Variants in TRDN observed in about 807,000 individuals in gnomAD.
TRDN encodes triadin.
TRDN carries 161 observed loss-of-function variants against 149.7 expected under a neutral mutation model. The observed-to-expected ratio is 1.08, with a 90% CI of 0.95 to 1.23. The LOEUF (loss-of-function observed/expected upper bound fraction) is 1.23, where lower values mean the gene tolerates loss of function less well. Among genes scored for constraint, TRDN ranks in the 50% most tolerant of loss-of-function variants. The pLI is 0.00. For synonymous variants in TRDN, 294 were observed against 250.5 expected (o/e 1.17, Z -1.64); for missense variants, 896 against 823.5 (o/e 1.09, Z -1.08).
intron 12 of TRDN, among the ~76,000 whole-genome samples, chr6:123,403,691 G>C (rs1035834439): frequency 6.6e-6 from 1 of 152,072 alleles, no homozygotes; most frequent in East Asian, 1.9e-4. Flanking sequence ...TTTCCTAGAA[G>C]GACAGTACTC....
intron 24 of TRDN, among the ~76,000 whole-genome samples, chr6:123,281,884 C>G (rs1335534670): frequency 2.0e-5 from 3 of 151,990 alleles, no homozygotes; most frequent in Non-Finnish European, 4.4e-5. Context: ...TACTATCTAT[C>G]CATTAGAAGC....
At chr6:123,258,191 G>A (rs977212809) in intron 35 of TRDN, among the ~76,000 whole-genome samples, 22 of 152,156 alleles carry the variant, frequency 1.4e-4, no homozygotes, top group Admixed American at 6.5e-5. Context: ...AGTGGTGAAA[G>A]AGGGCATCCT....
Position 123,636,879 on chromosome 6 carries a change from C to G in TRDN, c.-104G>C. On this transcript the variant is annotated 5_prime_UTR_variant, in exon 1 of 41. Transcript: ENST00000334268. ...TCTGGTGGAGGGTTCTGTGTCAAAACCTGGGGGCTCTTCGTTTTCCTGGCT... is the reference window on the plus strand; with the variant it reads ...TCTGGTGGAGGGTTCTGTGTCAAAAGCTGGGGGCTCTTCGTTTTCCTGGCT... The G allele has an allele frequency of 7.4e-7, 1 of 1,350,030 alleles. No homozygotes were observed. The highest frequency in any genetic ancestry group is 1.1e-6 in the Non-Finnish European group (1 of 949,416). The allele number at this position is 1,350,030 out of a possible 1,614,324, so 83.6% of individuals were successfully genotyped here. A position where few individuals can be genotyped will look rare whatever the true frequency, so the allele number is the denominator to read the frequency against.
intron 12 of TRDN, among the ~76,000 whole-genome samples, chr6:123,428,563 T>C (rs1392758002): frequency 1.3e-5 from 2 of 152,200 alleles, no homozygotes; most frequent in Non-Finnish European, 2.9e-5. Context: ...AATTCCTTCT[T>C]TGAGATCATC....
At chr6:123,432,067 T>G (rs1583011580) in intron 12 of TRDN, among the ~76,000 whole-genome samples, 1 of 152,238 alleles carries the variant, frequency 6.6e-6, no homozygotes, top group East Asian at 1.9e-4. Context: ...ACAGCACAAA[T>G]TCTTTATGAG....
At position 123,433,162 on chromosome 6, in the gene TRDN, A is replaced by ATATAATAT. The variant is rs796874348; in HGVS notation, c.1051+4900_1051+4901insATATTATA. ...ATCATAAATATATATATATATATAT[A>ATATAATAT]ATATATATATATATATATATACATC... On this transcript the variant is annotated intron_variant, in intron 12 of 40. Coordinates refer to ENST00000334268, the MANE Select transcript of TRDN (RefSeq NM_006073.4). 2.0e-3 allele frequency among the ~76,000 whole-genome samples: 163 copies of ATATAATAT among 80,014 alleles called. 8 individuals carry two copies. Among genetic ancestry groups the ATATAATAT allele is most frequent in the East Asian group, 0.011 (27 of 2,534 alleles). 52.5% of individuals were successfully genotyped at this position (80,014 alleles called of 152,430 possible).
At chr6:123,615,054 A>G (rs577724952) in intron 1 of TRDN, among the ~76,000 whole-genome samples, 2 of 152,290 alleles carry the variant, frequency 1.3e-5, no homozygotes, top group South Asian at 4.1e-4. Context: ...TGAAAAAAAT[A>G]CTCAACACCA....
chr6:123,469,084 T>C (rs1209532349), intron 9 of TRDN, among the ~76,000 whole-genome samples: 4 of 152,198 alleles, frequency 2.6e-5, no homozygotes, highest in Non-Finnish European at 5.9e-5. Context: ...TGAGAAGATG[T>C]GAGTTTAATA....
At chr6:123,523,749 A>G (rs1485287976) in intron 5 of TRDN, among the ~76,000 whole-genome samples, 1 of 152,120 alleles carries the variant, frequency 6.6e-6, no homozygotes, top group Non-Finnish European at 1.5e-5. Flanking sequence ...TTGGTGTTGA[A>G]AGAGAACAAG....
chr6:123,226,527 A>T (rs1775377003), intron 38 of TRDN, among the ~76,000 whole-genome samples: 1 of 151,890 alleles, frequency 6.6e-6, no homozygotes, highest in Admixed American at 6.6e-5. Context: ...CTATATTCTG[A>T]TCCAGCATCA....
At chr6:123,471,424 T>C (rs1777143212) in intron 9 of TRDN, 2 of 152,206 alleles carry the variant, frequency 1.3e-5, no homozygotes, top group South Asian at 4.1e-4. Flanking sequence ...GTTTATTTGG[T>C]CATCCCAATA....
At chr6:123,413,355 A>G (rs1773520851) in intron 12 of TRDN, among the ~76,000 whole-genome samples, 1 of 152,182 alleles carries the variant, frequency 6.6e-6, no homozygotes, top group Admixed American at 6.6e-5. Context: ...ATATGTCTGG[A>G]CTTTCTGGCA....
chr6:123,386,679 G>A (rs981985823), intron 14 of TRDN, among the ~76,000 whole-genome samples: 6 of 152,230 alleles, frequency 3.9e-5, no homozygotes, highest in East Asian at 1.9e-4. Flanking sequence ...TCCTGATTCC[G>A]CCTAAAGCTG....
chr6:123,239,518 AAC>A, intron 38 of TRDN, among the ~76,000 whole-genome samples: 1 of 152,266 alleles, frequency 6.6e-6, no homozygotes, highest in African/African-American at 2.4e-5. Flanking sequence ...ATAAACACTG[AAC>A]ACATTTCAAA....
chr6:123,356,774 G>GT (rs1780701025), intron 20 of TRDN, among the ~76,000 whole-genome samples: 1 of 150,620 alleles, frequency 6.6e-6, no homozygotes, highest in South Asian at 2.1e-4. Flanking sequence ...AAATGTTTTA[G>GT]TTTATTGGAA....
chr6:123,265,109 C>T (rs1389769489), intron 33 of TRDN, among the ~76,000 whole-genome samples: 1 of 151,922 alleles, frequency 6.6e-6, no homozygotes, highest in Non-Finnish European at 1.5e-5. Context: ...TTGCTCTACC[C>T]ATTTTCTTTT....
chr6:123,478,483 A>G (rs944139160), intron 9 of TRDN, among the ~76,000 whole-genome samples: 2 of 152,206 alleles, frequency 1.3e-5, no homozygotes, highest in African/African-American at 4.8e-5. Flanking sequence ...CAATATTTCT[A>G]TCAACTCCAC....
chr6:123,473,371 A>G (rs912382226), intron 9 of TRDN, among the ~76,000 whole-genome samples: 7 of 151,930 alleles, frequency 4.6e-5, no homozygotes, highest in Non-Finnish European at 1.0e-4. Context: ...GAATGAAATG[A>G]AGCGAGAAGG....
intron 24 of TRDN, among the ~76,000 whole-genome samples, chr6:123,311,911 G>A (rs996522499): frequency 1.3e-4 from 19 of 151,876 alleles, no homozygotes; most frequent in African/African-American, 4.6e-4. Flanking sequence ...AAAGGTGGGA[G>A]GTGAAGGATT....
Sources: allele counts gnomAD v4.1 joint callset (sites outside exome capture counted in the v4.1 genomes callset), GRCh38; gene constraint gnomAD v4.1.1; transcripts MANE v1.5; gene names NCBI Gene and HGNC (gene_info 2026-07-23, HGNC 2026-07-21).